Variants in SHOC1 observed in about 807,000 individuals in gnomAD.
The protein encoded by SHOC1 is shortage in chiasmata 1, also known as protein shortage in chiasmata 1 ortholog.
Under a neutral mutation model 179.2 loss-of-function variants are expected in SHOC1, and 136 were observed. That is an observed-to-expected ratio of 0.76 (90% CI 0.66 to 0.87). The LOEUF (loss-of-function observed/expected upper bound fraction) is 0.87. SHOC1 is among the 40% of genes least tolerant of loss of function. The pLI is 0.00. For synonymous variants in SHOC1, 489 were observed against 586.6 expected (o/e 0.83, Z 2.41); for missense variants, 1,538 against 1,700.8 (o/e 0.90, Z 1.68).
intron 17 of SHOC1, among the ~76,000 whole-genome samples, chr9:111,713,571 G>A (rs10981031): frequency 0.057 from 8,723 of 152,042 alleles, 635 homozygotes; most frequent in African/African-American, 0.17. Flanking sequence ...AATCAGTTTC[G>A]ATTTAAAATT....
At chr9:111,732,386 C>A (rs1564132986) in intron 12 of SHOC1, among the ~76,000 whole-genome samples, 1 of 151,914 alleles carries the variant, frequency 6.6e-6, no homozygotes, top group Admixed American at 6.6e-5. Flanking sequence ...GAGATTGAGA[C>A]CCCATCTCTA....
intron 18 of SHOC1, among the ~76,000 whole-genome samples, chr9:111,711,282 G>A (rs1037560969): frequency 7.9e-5 from 12 of 152,196 alleles, no homozygotes; most frequent in Non-Finnish European, 1.8e-4. Context: ...CCTGAAGGCT[G>A]AAAAACCAGA....
intron 13 of SHOC1, among the ~76,000 whole-genome samples, chr9:111,727,155 A>G (rs1833330701): frequency 6.6e-6 from 1 of 152,230 alleles, no homozygotes; most frequent in South Asian, 2.1e-4. Flanking sequence ...GGCTGTAAGC[A>G]GTGAATATAA....
At position 111,758,102 on chromosome 9, in the gene SHOC1, A is replaced by C. The variant is rs373432482; in HGVS notation, c.690T>G (p.Asp230Glu). Reference sequence around the variant, plus strand: ...TTACAACCTCATTTAAACATATTGTATCTTCTAGTTTCTCTTGACAAAAGT... The same window carrying C: ...TTACAACCTCATTTAAACATATTGTCTCTTCTAGTTTCTCTTGACAAAAGT... Reference protein sequence around the residue: ...KVNFCQEKLEDTICLNEPSSF... With the variant: ...KVNFCQEKLEETICLNEPSSF... The change falls in exon 7 of 28, where the codon GAT becomes GAG. Residue 230 changes from aspartate to glutamate, a missense_variant. Coordinates refer to ENST00000682961, the MANE Select transcript of SHOC1 (RefSeq NM_001378211.1). 3.9e-5 allele frequency: 60 copies of C among 1,536,256 alleles called. No individual in the cohort carries two copies. The highest frequency in any genetic ancestry group is 5.1e-5 in the Non-Finnish European group (57 of 1,124,296).
intron 12 of SHOC1, among the ~76,000 whole-genome samples, chr9:111,731,237 C>T (rs767855881): frequency 6.6e-6 from 1 of 152,148 alleles, no homozygotes; most frequent in Non-Finnish European, 1.5e-5. Context: ...ACTAAAGTAG[C>T]ACTTTTAATT....
At position 111,739,114 on chromosome 9, in the gene SHOC1, A is replaced by C. The variant is rs531943664; in HGVS notation, c.1175-592T>G. 4.3e-4 allele frequency among the ~76,000 whole-genome samples: 65 copies of C among 152,236 alleles called. 1 individual carries two copies. The Middle Eastern group carries it at 0.02, about 48-fold the overall frequency. Reference sequence around the variant, plus strand: ...ATAAATTTTGAAACTCTAATTTTGGAATGGTGCTTTTATAATGACAGTAAT... The same window carrying C: ...ATAAATTTTGAAACTCTAATTTTGGCATGGTGCTTTTATAATGACAGTAAT... On this transcript the variant is annotated intron_variant, in intron 11 of 27. Transcript: ENST00000682961.
chr9:111,736,575 T>G (rs1407975046), intron 12 of SHOC1, among the ~76,000 whole-genome samples: 1 of 152,192 alleles, frequency 6.6e-6, no homozygotes, highest in Non-Finnish European at 1.5e-5. Context: ...CAAGATGGAT[T>G]ACATATTTAC....
intron 4 of SHOC1, among the ~76,000 whole-genome samples, chr9:111,776,187 G>A (rs1030715733): frequency 7.0e-6 from 1 of 142,696 alleles, no homozygotes; most frequent in African/African-American, 2.6e-5. Flanking sequence ...AATGACAACA[G>A]TATTCTATAA....
chr9:111,769,816 T>C (rs1467334933), intron 5 of SHOC1, among the ~76,000 whole-genome samples: 1 of 152,194 alleles, frequency 6.6e-6, no homozygotes, highest in African/African-American at 2.4e-5. Context: ...CCATTTCTTC[T>C]AAGTTTTCCA....
At chr9:111,787,070 G>A (rs1297324040) in intron 2 of SHOC1, among the ~76,000 whole-genome samples, 1 of 152,060 alleles carries the variant, frequency 6.6e-6, no homozygotes, top group African/African-American at 2.4e-5. Context: ...TAAGCCTATT[G>A]TTGAGACCTA....
At chr9:111,785,371 C>T (rs1351338753) in intron 3 of SHOC1, among the ~76,000 whole-genome samples, 2 of 150,774 alleles carry the variant, frequency 1.3e-5, no homozygotes, top group Non-Finnish European at 2.9e-5. Context: ...CCTTACCAGT[C>T]TAAAACCCAC....
At chr9:111,710,928 A>G (rs573023674) in intron 18 of SHOC1, among the ~76,000 whole-genome samples, 1 of 152,158 alleles carries the variant, frequency 6.6e-6, no homozygotes, top group African/African-American at 2.4e-5. Flanking sequence ...TGCAGCTTAT[A>G]GAGGGAAGAG....
intron 4 of SHOC1, among the ~76,000 whole-genome samples, chr9:111,779,161 C>T (rs749977470): frequency 2.7e-5 from 4 of 149,958 alleles, no homozygotes; most frequent in Non-Finnish European, 4.4e-5. Flanking sequence ...TGTGACAACA[C>T]GGATAAACCC....
intron 12 of SHOC1, among the ~76,000 whole-genome samples, chr9:111,733,119 A>C (rs1242880112): frequency 6.6e-6 from 1 of 152,186 alleles, no homozygotes; most frequent in Non-Finnish European, 1.5e-5. Context: ...AAACAGGTGC[A>C]GTTCATTTTA....
At chr9:111,701,089 A>G (rs1831950695) in intron 23 of SHOC1, among the ~76,000 whole-genome samples, 2 of 152,192 alleles carry the variant, frequency 1.3e-5, no homozygotes, top group African/African-American at 4.8e-5. Flanking sequence ...ATAATAAATC[A>G]TAGCCATGAA....
chr9:111,712,469 T>A (rs896623256), intron 18 of SHOC1, among the ~76,000 whole-genome samples: 7 of 152,124 alleles, frequency 4.6e-5, no homozygotes, highest in African/African-American at 1.7e-4. Flanking sequence ...TAGAGAAAAT[T>A]ATCAGCTTTT....
At chr9:111,786,806 G>C (rs1836277736) in intron 2 of SHOC1, among the ~76,000 whole-genome samples, 1 of 152,186 alleles carries the variant, frequency 6.6e-6, no homozygotes, top group Non-Finnish European at 1.5e-5. Flanking sequence ...TCTGTTAGAA[G>C]AAGATGCCAA....
intron 2 of SHOC1, among the ~76,000 whole-genome samples, chr9:111,786,539 G>A (rs1254519999): frequency 7.9e-6 from 1 of 126,798 alleles, no homozygotes; most frequent in Non-Finnish European, 1.6e-5. Flanking sequence ...ACAAATTGAA[G>A]CTTTGTGGCA....
rs367999301 is a variant in SHOC1, at chr9:111,764,375, T to A, written c.443-5527A>T. Among the ~76,000 whole-genome samples the A allele has an allele frequency of 5.3e-5, 8 of 152,366 alleles. No homozygotes were observed. In the East Asian group the frequency reaches 1.5e-3, roughly 29 times the overall value. ...GTATAAGACAAAACATTGTATATAC[T>A]GTATAGGGTTTGGTACTATCAGTGA... On this transcript the variant is annotated intron_variant, in intron 5 of 27. Transcript: ENST00000682961.
Sources: allele counts gnomAD v4.1 joint callset (sites outside exome capture counted in the v4.1 genomes callset), GRCh38; gene constraint gnomAD v4.1.1; transcripts MANE v1.5; gene names NCBI Gene and HGNC (gene_info 2026-07-23, HGNC 2026-07-21).